PRPH: variants seen among roughly 807,000 people sequenced by gnomAD.
PRPH encodes peripherin.
Under a neutral mutation model 52.6 loss-of-function variants are expected in PRPH, and 48 were observed. The observed-to-expected ratio is 0.91, with a 90% CI of 0.72 to 1.16. The LOEUF (loss-of-function observed/expected upper bound fraction) is 1.16, where lower values mean the gene tolerates loss of function less well. Ranked by LOEUF, PRPH falls within the 50% of genes most tolerant of loss-of-function variation. The probability of loss-of-function intolerance (pLI) is 0.00; values close to 1 mark genes in which losing one functional copy is unlikely to be tolerated. For synonymous variants in PRPH, 279 were observed against 283.8 expected, an observed-to-expected ratio of 0.98 and a Z score of 0.17; for missense variants, 579 against 635.7, an observed-to-expected ratio of 0.91 and a Z score of 0.96.
chr12:49,298,262 C>T lies in PRPH; in HGVS notation c.1348-26C>T, dbSNP rs777250159. Reference sequence around the variant, plus strand: ...GGAGGGTGGCGCTGAATGGCTTGTGCCCATCATATGCCCTGTCCCCAGCAG... The same window carrying T: ...GGAGGGTGGCGCTGAATGGCTTGTGTCCATCATATGCCCTGTCCCCAGCAG... On this transcript the variant is annotated intron_variant, in intron 8 of 8. Coordinates refer to ENST00000257860, the MANE Select transcript of PRPH (RefSeq NM_006262.4). 1.7e-5 allele frequency: 28 copies of T among 1,613,328 alleles called. No individual in the cohort carries two copies. In the Admixed American group the frequency reaches 4.7e-4, roughly 27 times the overall value.
rs759715168 is a variant in PRPH, at chr12:49,297,188, C to T, written c.911C>T (p.Ala304Val). ...LSDAANRNHE[A>V]LRQAKQEMNE... ...GACGCTGCCAACCGGAACCACGAGG[C>T]CCTGCGCCAGGCCAAGCAGGAGATG... Residue 304 changes from alanine to valine, a missense_variant, in exon 5 of 9, where the codon GCC (alanine) becomes GTC (valine). Transcript: ENST00000257860. The surrounding 1 kb of genome is among the most constrained non-coding windows in gnomAD (Gnocchi z 4.4). 3.1e-6 allele frequency: 5 copies of T among 1,614,070 alleles called. No homozygotes were observed. Among genetic ancestry groups the T allele is most frequent in the South Asian group, 2.2e-5 (2 of 91,080 alleles).
In PRPH at chr12:49,296,624, C is replaced by T. The variant is rs1565658548; in HGVS notation, c.702+97C>T. 3.2e-6 allele frequency: 4 copies of T among 1,238,108 alleles called. No individual in the cohort carries two copies. Among genetic ancestry groups the T allele is most frequent in the African/African-American group, 3.0e-5 (2 of 67,488 alleles). The allele number at this position is 1,238,108 out of a possible 1,614,324, so 76.7% of individuals were successfully genotyped here. The stretch of plus-strand genomic sequence containing the variant: ...GGAGGCATCGCCCTGGGGATCAGGA[C>T]GATGCTGGGTAGACGCAGCCCCTCC... On this transcript the variant is annotated intron_variant, in intron 3 of 8. Coordinates refer to ENST00000257860, the MANE Select transcript of PRPH (RefSeq NM_006262.4). The surrounding 1 kb of genome is among the most constrained non-coding windows in gnomAD (Gnocchi z 5.1).
At position 49,295,219 on chromosome 12, in the gene PRPH, G is replaced by C; in HGVS notation, c.19G>C (p.Gly7Arg). 6.2e-7 allele frequency: 1 copy of C among 1,611,548 alleles called. No homozygotes were observed. Among genetic ancestry groups the C allele is most frequent in the Non-Finnish European group, 8.5e-7 (1 of 1,179,604 alleles). Residue 7 changes from glycine (G) to arginine (R), a missense_variant, in exon 1 of 9, where the codon GGC becomes CGC. Coordinates refer to ENST00000257860, the MANE Select transcript of PRPH (RefSeq NM_006262.4). The stretch of plus-strand genomic sequence containing the variant: ...GGCCGCAATGAGCCACCACCCGTCG[G>C]GCCTCCGGGCCGGCTTCAGCTCCAC... Reference protein sequence around the residue: MSHHPSGLRAGFSSTSY... With the variant: MSHHPSRLRAGFSSTSY...
Position 49,295,169 on chromosome 12 carries a change from C to G in PRPH, c.-32C>G. 1 of 1,604,148 alleles carries G rather than the reference C, an allele frequency of 6.2e-7. No homozygotes were observed. The highest frequency in any genetic ancestry group is 8.5e-7 in the Non-Finnish European group (1 of 1,176,972). The stretch of plus-strand genomic sequence containing the variant: ...CTCCTTCCCAGCCCCCGGCCTAGCT[C>G]TGCGAACGGTGACTGCCCATCCTTG... On this transcript the variant is annotated 5_prime_UTR_variant, in exon 1 of 9. Transcript: ENST00000257860.
Position 49,298,425 on chromosome 12 carries a change from T to A in PRPH, c.*72T>A, listed in dbSNP as rs1361463198. The A allele has an allele frequency of 2.0e-6, 3 of 1,496,976 alleles. No individual in the cohort carries two copies. The highest frequency in any genetic ancestry group is 1.7e-5 in the Admixed American group (1 of 58,540). The allele number at this position is 1,496,976 out of a possible 1,614,324, so 92.7% of individuals were successfully genotyped here. On this transcript the variant is annotated 3_prime_UTR_variant, in exon 9 of 9. Transcript: ENST00000257860. ...CCAAACCCTAAGACCACTCCTGAAT[T>A]GTCTCCTCTCCCTCTGCATGTGTCT...
chr12:49,295,645 CGCGAGCTGCGGCGAGAGCTGGAGCTGT>C lies in PRPH; in HGVS notation c.446_472del (p.Arg149_Leu157del). 6.5e-7 allele frequency: 1 copy of C among 1,540,510 alleles called. No homozygotes were observed. The highest frequency in any genetic ancestry group is 8.7e-7 in the Non-Finnish European group (1 of 1,144,708). On this transcript the variant is annotated inframe_deletion, in exon 1 of 9. Coordinates refer to ENST00000257860, the MANE Select transcript of PRPH (RefSeq NM_006262.4). ...CGACCAGCTGTGCCAGCAGGAGCTGCGCGAGCTGCGGCGAGAGCTGGAGCTGTTGGGCCGCGAGCGTGACCGGGTGCA... is the reference window on the plus strand; with the variant it reads ...CGACCAGCTGTGCCAGCAGGAGCTGCTGGGCCGCGAGCGTGACCGGGTGCA...
Position 49,296,285 on chromosome 12 carries a change from C to A in PRPH, c.606+47C>A. On this transcript the variant is annotated intron_variant, in intron 2 of 8. Coordinates refer to ENST00000257860, the MANE Select transcript of PRPH (RefSeq NM_006262.4). This position sits in a 1 kb window ranked among gnomAD's most constrained non-coding sequence, Gnocchi z 5.1. Reference sequence around the variant, plus strand: ...AGTTCAGCCTCCCCACCGCTACCCCCGATCTCAGTATCCAGAGGTGGCATC... The same window carrying A: ...AGTTCAGCCTCCCCACCGCTACCCCAGATCTCAGTATCCAGAGGTGGCATC... 6.2e-7 allele frequency: 1 copy of A among 1,604,464 alleles called. No homozygotes were observed. Among genetic ancestry groups the A allele is most frequent in the Non-Finnish European group, 8.5e-7 (1 of 1,173,874 alleles).
Position 49,295,395 on chromosome 12 carries a change from G to C in PRPH, c.195G>C (p.Ala65=). The change falls in exon 1 of 9, where the codon GCG becomes GCC. Residue 65 remains alanine, a synonymous_variant. Transcript: ENST00000257860. The stretch of plus-strand genomic sequence containing the variant: ...TGGGCAGCTTCCGTAGCCCCCGAGC[G>C]GGAGCGGGCGCCCTCCTGCGCCTGC... ...VRLGSFRSPR[A]GAGALLRLPS... 8 of 1,605,768 alleles carry C rather than the reference G, an allele frequency of 5.0e-6. No individual in the cohort carries two copies. Among genetic ancestry groups the C allele is most frequent in the Non-Finnish European group, 5.9e-6 (7 of 1,177,098 alleles).
chr12:49,295,503 G>A lies in PRPH; in HGVS notation c.303G>A (p.Leu101=), dbSNP rs1315487792. The change falls in exon 1 of 9, where the codon CTG becomes CTA. Residue 101 remains leucine (L), a synonymous_variant. Transcript: ENST00000257860. ...LATRSNEKQE[L]QELNDRFANF... ...CGCGCAGCAACGAGAAGCAGGAGCT[G>A]CAGGAGCTCAACGACCGCTTCGCCA... The A allele has an allele frequency of 1.2e-6, 2 of 1,607,158 alleles. No homozygotes were observed. The highest frequency in any genetic ancestry group is 1.7e-6 in the Non-Finnish European group (2 of 1,177,252).
chr12:49,298,568 T>C lies in PRPH; in HGVS notation c.*215T>C, dbSNP rs1388444024. 13 of 578,564 alleles carry C rather than the reference T, an allele frequency of 2.2e-5. No homozygotes were observed. Among genetic ancestry groups the C allele is most frequent in the Non-Finnish European group, 4.0e-5 (13 of 322,506 alleles). The allele number at this position is 578,564 out of a possible 1,614,324, so 35.8% of individuals were successfully genotyped here. On this transcript the variant is annotated 3_prime_UTR_variant, in exon 9 of 9. Coordinates refer to ENST00000257860, the MANE Select transcript of PRPH (RefSeq NM_006262.4). Reference sequence around the variant, plus strand: ...TGACCTATGTGCTTCCCTTTTCATGTCCCGATAAGAAGCCAATGATCCCCC... The same window carrying C: ...TGACCTATGTGCTTCCCTTTTCATGCCCCGATAAGAAGCCAATGATCCCCC...
In PRPH at chr12:49,295,442, C is replaced by G. The variant is rs1435309414; in HGVS notation, c.242C>G (p.Ser81Cys). 6.2e-6 allele frequency: 10 copies of G among 1,606,816 alleles called. No homozygotes were observed. Among genetic ancestry groups the G allele is most frequent in the Non-Finnish European group, 8.5e-6 (10 of 1,177,396 alleles). Residue 81 changes from serine to cysteine, a missense_variant, in exon 1 of 9, where the codon TCC becomes TGC. Transcript: ENST00000257860. ...CTGCCCTCGGAGCGCCTCGACTTCT[C>G]CATGGCCGAGGCCCTCAACCAGGAG... ...LRLPSERLDF[S>C]MAEALNQEFL...
Position 49,296,353 on chromosome 12 carries a change from G to A in PRPH, c.607-79G>A. 1 of 1,571,540 alleles carries A rather than the reference G, an allele frequency of 6.4e-7. No homozygotes were observed. Among genetic ancestry groups the A allele is most frequent in the Non-Finnish European group, 8.7e-7 (1 of 1,144,438 alleles). On this transcript the variant is annotated intron_variant, in intron 2 of 8. Coordinates refer to ENST00000257860, the MANE Select transcript of PRPH (RefSeq NM_006262.4). This position sits in a 1 kb window ranked among gnomAD's most constrained non-coding sequence, Gnocchi z 5.1. ...GGGGGTAACCCAGATGCCTCCTGAG[G>A]CAGACAGGGAAGGCCTGGTCCTTCC...
In PRPH at chr12:49,295,673, TG is replaced by T; in HGVS notation, c.476del (p.Gly159AlafsTer56). 1 of 1,535,716 alleles carries T rather than the reference TG, an allele frequency of 6.5e-7. No homozygotes were observed. ...LRELRRELELLGRERDRVQVE... is the reference protein window; with the variant it reads ...LRELRRELELXGRERDRVQVE... ...GAGCTGCGGCGAGAGCTGGAGCTGT[TG>T]GGCCGCGAGCGTGACCGGGTGCAGG... On this transcript the variant is annotated frameshift_variant, in exon 1 of 9. Transcript: ENST00000257860. LOFTEE classifies it high-confidence loss of function.
chr12:49,295,821 C>G, intron 1 of PRPH, 76 bp downstream of exon 1: 1 of 1,437,080 alleles, frequency 7.0e-7, no homozygotes, highest in Non-Finnish European at 9.1e-7. Flanking sequence ...CTTGCCTCCC[C>G]TCGCTTCCCC....
chr12:49,298,158 C>T, intron 8 of PRPH, 121 bp downstream of exon 8: 2 of 1,468,690 alleles, frequency 1.4e-6, no homozygotes, highest in Non-Finnish European at 1.9e-6. Flanking sequence ...GAGAAGGAGA[C>T]AGAGAACGTG....
rs773815306 is a variant in PRPH at position 49,297,676 on chromosome 12, G to T, written c.1218-1G>T. On this transcript the variant is annotated splice_acceptor_variant, in intron 6 of 8. Coordinates refer to ENST00000257860, the MANE Select transcript of PRPH (RefSeq NM_006262.4). LOFTEE classifies it high-confidence loss of function. This position sits in a 1 kb window ranked among gnomAD's most constrained non-coding sequence, Gnocchi z 4.4. ...GCGCTGACAACTTGCTTCGCCTCTA[G>T]GATCTCCGTGCCCGTCCATTCTTTT... is the stretch of plus-strand genomic sequence containing the variant. 9.3e-6 allele frequency: 15 copies of T among 1,613,494 alleles called. No homozygotes were observed. In the East Asian group the frequency reaches 2.9e-4, roughly 31 times the overall value.
In PRPH at chr12:49,295,235, T is replaced by G; in HGVS notation, c.35T>G (p.Phe12Cys). 1 of 1,611,750 alleles carries G rather than the reference T, an allele frequency of 6.2e-7. No individual in the cohort carries two copies. The highest frequency in any genetic ancestry group is 8.5e-7 in the Non-Finnish European group (1 of 1,179,600). The stretch of plus-strand genomic sequence containing the variant: ...CACCCGTCGGGCCTCCGGGCCGGCT[T>G]CAGCTCCACCTCATACCGCCGTACC... ...SHHPSGLRAGFSSTSYRRTFG... is the reference protein window; with the variant it reads ...SHHPSGLRAGCSSTSYRRTFG... Residue 12 changes from phenylalanine to cysteine, a missense_variant, in exon 1 of 9, where the codon TTC becomes TGC. Phe to Cys is a radical substitution (Grantham distance 205). Transcript: ENST00000257860.
In PRPH at chr12:49,298,619, G is replaced by A. The variant is rs1943222037; in HGVS notation, c.*266G>A. 2 of 512,658 alleles carry A rather than the reference G, an allele frequency of 3.9e-6. No individual in the cohort carries two copies. Among genetic ancestry groups the A allele is most frequent in the Admixed American group, 3.2e-5 (1 of 31,238 alleles). The allele number at this position is 512,658 out of a possible 1,614,324, so 31.8% of individuals were successfully genotyped here. ...CTCAGGACAAATCTACTCCAGCCACGATGAGAAGTGGGTGAGCCAGGGTCT... is the reference window on the plus strand; with the variant it reads ...CTCAGGACAAATCTACTCCAGCCACAATGAGAAGTGGGTGAGCCAGGGTCT... On this transcript the variant is annotated 3_prime_UTR_variant, in exon 9 of 9. Coordinates refer to ENST00000257860, the MANE Select transcript of PRPH (RefSeq NM_006262.4).
At chr12:49,298,193 G>T (rs1293500565) in intron 8 of PRPH, 95 bp from the exon 9 acceptor site, 9 of 1,527,652 alleles carry the variant, frequency 5.9e-6, no homozygotes, top group East Asian at 2.3e-5. Flanking sequence ...AGCCTCTGCT[G>T]GTTACCCCAG....
Sources: allele counts gnomAD v4.1 joint callset, GRCh38; gene constraint gnomAD v4.1.1; non-coding constraint Gnocchi (gnomAD v3.1); transcripts MANE v1.5; gene names NCBI Gene and HGNC (gene_info 2026-07-23, HGNC 2026-07-21).